PATJ: variants seen among roughly 807,000 people sequenced by gnomAD.
The protein encoded by PATJ is PATJ crumbs cell polarity complex component, also known as inaD-like protein.
In PATJ, 190 loss-of-function variants were observed where a neutral mutation model predicts 224.9. That is an observed-to-expected ratio of 0.84 (90% CI 0.75 to 0.95). PATJ has a LOEUF of 0.95. Among genes scored for constraint, PATJ ranks in the 40% least tolerant of loss-of-function variants. The pLI is 0.00. For synonymous variants in PATJ, 769 were observed against 820.3 expected (o/e 0.94, Z 1.07); for missense variants, 2,121 against 2,270.3 (o/e 0.93, Z 1.34).
chr1:61,885,020 A>G (rs908216404), intron 22 of PATJ, among the ~76,000 whole-genome samples: 2 of 152,218 alleles, frequency 1.3e-5, no homozygotes, highest in African/African-American at 4.8e-5. Flanking sequence ...AGCAAGATTA[A>G]GCGTAGGTGA....
At chr1:62,042,279 T>G (rs1651656125) in intron 30 of PATJ, among the ~76,000 whole-genome samples, 1 of 152,222 alleles carries the variant, frequency 6.6e-6, no homozygotes, top group African/African-American at 2.4e-5. Context: ...GAGGGCTTTT[T>G]AGTTCCACTC....
At chr1:62,154,364 C>T (rs1668945688) in intron 43 of PATJ, among the ~76,000 whole-genome samples, 2 of 150,712 alleles carry the variant, frequency 1.3e-5, no homozygotes, top group African/African-American at 4.9e-5. Context: ...GCTTTGTTTT[C>T]CTAAAGAAAT....
intron 28 of PATJ, 38 bp from the exon 29 acceptor site, chr1:62,017,818 C>T: frequency 1.0e-6 from 1 of 987,596 alleles, no homozygotes; most frequent in Non-Finnish European, 1.6e-6. Flanking sequence ...TACTTGTAGA[C>T]ATGTATAATT....
intron 11 of PATJ, among the ~76,000 whole-genome samples, chr1:61,798,713 G>A (rs1027363396): frequency 6.6e-6 from 1 of 151,766 alleles, no homozygotes; most frequent in Middle Eastern, 3.4e-3. Context: ...CCAACATAGA[G>A]AGACCCCTTC....
intron 33 of PATJ, among the ~76,000 whole-genome samples, chr1:62,085,318 C>T (rs74406326): frequency 1.3e-5 from 2 of 151,312 alleles, no homozygotes; most frequent in South Asian, 2.1e-4. Context: ...TGCCACTGCA[C>T]GCCAGCCTGG....
intron 25 of PATJ, among the ~76,000 whole-genome samples, chr1:61,910,854 A>AGTGATTC (rs990039831): frequency 2.0e-5 from 3 of 152,004 alleles, no homozygotes; most frequent in Non-Finnish European, 2.9e-5. Context: ...GACAGGGCAA[A>AGTGATTC]GTGATTCTTA....
At chr1:61,966,870 T>C (rs1216977146) in intron 27 of PATJ, among the ~76,000 whole-genome samples, 1 of 152,122 alleles carries the variant, frequency 6.6e-6, no homozygotes. Flanking sequence ...ATTTGTAAAC[T>C]GTCATGGCGC....
At chr1:61,840,243 T>C (rs2148827944) in intron 17 of PATJ, among the ~76,000 whole-genome samples, 1 of 152,188 alleles carries the variant, frequency 6.6e-6, no homozygotes, top group South Asian at 2.1e-4. Context: ...TTCATGTATG[T>C]CTTTAAGTTG....
intron 9 of PATJ, among the ~76,000 whole-genome samples, chr1:61,792,662 T>A (rs1023690715): frequency 6.6e-6 from 1 of 152,002 alleles, no homozygotes; most frequent in Non-Finnish European, 1.5e-5. Context: ...TTCGGGTAGC[T>A]GGGAGTACAG....
chr1:62,123,313 A>T (rs1665307467), intron 39 of PATJ, among the ~76,000 whole-genome samples: 1 of 151,940 alleles, frequency 6.6e-6, no homozygotes, highest in Non-Finnish European at 1.5e-5. Flanking sequence ...TTATTTATTT[A>T]TTTTTTCAAT....
At chr1:61,870,001 G>A (rs117031657) in intron 20 of PATJ, among the ~76,000 whole-genome samples, 2,859 of 152,288 alleles carry the variant, frequency 0.019, 77 homozygotes, top group South Asian at 0.095. Context: ...ATCTGCGGAC[G>A]GCTTAAGTGT....
At chr1:62,153,000 A>G (rs963652517) in intron 42 of PATJ, among the ~76,000 whole-genome samples, 2 of 151,902 alleles carry the variant, frequency 1.3e-5, no homozygotes, top group African/African-American at 4.8e-5. Flanking sequence ...TTAGCCAGGT[A>G]TGGCACACAC....
intron 26 of PATJ, 128 bp downstream of exon 26, chr1:61,914,792 A>AT (rs1039750541): frequency 3.0e-4 from 145 of 488,952 alleles, no homozygotes; most frequent in African/African-American, 2.5e-3. Flanking sequence ...TATATTTATA[A>AT]TTTTTTTCCC....
rs956214804 is a variant in PATJ at position 61,990,341 on chromosome 1, C to T, written c.3844C>T (p.Arg1282Cys). The change falls in exon 28 of 44, where the codon CGT becomes TGT. Residue 1282 changes from arginine to cysteine, a missense_variant. By Grantham distance (180) the Arg-to-Cys change is radical. Transcript: ENST00000642238. Reference protein sequence around the residue: ...EGPAAADGRMRIGDELLEINN... With the variant: ...EGPAAADGRMCIGDELLEINN... ...ACCTGCTGCCGCAGATGGACGAATG[C>T]GTATTGGAGATGAACTCTTAGAGGT... The T allele has an allele frequency of 7.4e-6, 12 of 1,611,878 alleles. No homozygotes were observed. The highest frequency in any genetic ancestry group is 1.3e-5 in the African/African-American group (1 of 74,766).
chr1:62,101,405 G>A (rs1194595181), intron 33 of PATJ, among the ~76,000 whole-genome samples: 1 of 151,736 alleles, frequency 6.6e-6, no homozygotes, highest in Non-Finnish European at 1.5e-5. Context: ...TGGGACTACA[G>A]GCACGCACTA....
chr1:61,774,809 T>TA (rs1646824894), intron 6 of PATJ, among the ~76,000 whole-genome samples: 1 of 152,176 alleles, frequency 6.6e-6, no homozygotes, highest in African/African-American at 2.4e-5. Flanking sequence ...CCCCTCCCTG[T>TA]AAAAAATCTT....
At chr1:62,034,350 C>T (rs746429036) in intron 29 of PATJ, among the ~76,000 whole-genome samples, 1 of 148,514 alleles carries the variant, frequency 6.7e-6, no homozygotes, top group African/African-American at 2.5e-5. Flanking sequence ...GGCTGAGGCA[C>T]GAGAGTCGCT....
chr1:62,053,042 G>A (rs2148599357), intron 31 of PATJ, among the ~76,000 whole-genome samples: 1 of 152,322 alleles, frequency 6.6e-6, no homozygotes, highest in South Asian at 2.1e-4. Context: ...GAATCTGGTA[G>A]TCCCAGCCAG....
intron 22 of PATJ, 40 bp from the exon 23 acceptor site, chr1:61,899,542 GC>G: frequency 7.4e-7 from 1 of 1,347,814 alleles, no homozygotes; most frequent in Non-Finnish European, 1.0e-6. Flanking sequence ...TAATGAGTAT[GC>G]CCTAAAATTG....
Sources: allele counts gnomAD v4.1 joint callset (sites outside exome capture counted in the v4.1 genomes callset), GRCh38; gene constraint gnomAD v4.1.1; transcripts MANE v1.5; gene names NCBI Gene and HGNC (gene_info 2026-07-23, HGNC 2026-07-21).